Variants in ASIC2 observed in about 807,000 individuals in gnomAD.
ASIC2 encodes acid sensing ion channel subunit 2.
ASIC2 carries 25 observed loss-of-function variants against 57.3 expected under a neutral mutation model. That is an observed-to-expected ratio of 0.44 (90% CI 0.32 to 0.61). The LOEUF (loss-of-function observed/expected upper bound fraction) is 0.61, where lower values mean the gene tolerates loss of function less well. ASIC2 is among the 20% of genes least tolerant of loss of function. The probability of loss-of-function intolerance (pLI) is 0.06; values close to 1 mark genes in which losing one functional copy is unlikely to be tolerated. For missense variants in ASIC2, 641 were observed against 738.1 expected, an observed-to-expected ratio of 0.87 and a Z score of 1.52; for synonymous variants, 319 against 307.5, an observed-to-expected ratio of 1.04 and a Z score of -0.39.
At chr17:33,941,252 A>G (rs1429510079) in intron 1 of ASIC2, among the ~76,000 whole-genome samples, 1 of 152,180 alleles carries the variant, frequency 6.6e-6, no homozygotes, top group Non-Finnish European at 1.5e-5. Flanking sequence ...CTTGCAGCCC[A>G]CACAGACAGG....
chr17:33,978,347 C>G (rs1043139897), intron 1 of ASIC2, among the ~76,000 whole-genome samples: 1 of 152,176 alleles, frequency 6.6e-6, no homozygotes, highest in Non-Finnish European at 1.5e-5. Flanking sequence ...ACACTGCAGT[C>G]GAGTCAAGGC....
At chr17:33,275,430 G>T (rs954084138) in intron 1 of ASIC2, among the ~76,000 whole-genome samples, 4 of 152,170 alleles carry the variant, frequency 2.6e-5, no homozygotes, top group African/African-American at 9.7e-5. Flanking sequence ...GACTTCAGTG[G>T]AAAGTAATAA....
At chr17:33,582,134 C>T (rs370614675) in intron 1 of ASIC2, among the ~76,000 whole-genome samples, 4 of 152,108 alleles carry the variant, frequency 2.6e-5, no homozygotes, top group Non-Finnish European at 5.9e-5. Flanking sequence ...TTTAAGCCAC[C>T]GAGTTTGGCA....
chr17:33,497,771 A>AG (rs775268567), intron 1 of ASIC2, among the ~76,000 whole-genome samples: 2 of 152,228 alleles, frequency 1.3e-5, no homozygotes, highest in Non-Finnish European at 2.9e-5. Context: ...AAAAAAAAGG[A>AG]GGCTCAGAGA....
chr17:34,081,549 AGC>A (rs1452624027), intron 1 of ASIC2, among the ~76,000 whole-genome samples: 1 of 152,210 alleles, frequency 6.6e-6, no homozygotes, highest in Non-Finnish European at 1.5e-5. Flanking sequence ...GTCATTGGAT[AGC>A]GCTGAGAACA....
chr17:33,258,222 T>TTACACTGGGTGTA (rs1179521159), intron 1 of ASIC2, among the ~76,000 whole-genome samples: 3 of 152,152 alleles, frequency 2.0e-5, no homozygotes, highest in Non-Finnish European at 4.4e-5. Context: ...TCTTTAGGAG[T>TTACACTGGGTGTA]ATCTAGTTAC....
intron 1 of ASIC2, among the ~76,000 whole-genome samples, chr17:33,136,509 C>T (rs2092367744): frequency 6.6e-6 from 1 of 152,218 alleles, no homozygotes; most frequent in African/African-American, 2.4e-5. Flanking sequence ...TTTGTGTAAG[C>T]TGAACCCAGC....
At chr17:33,235,531 G>T (rs1908262765) in intron 1 of ASIC2, among the ~76,000 whole-genome samples, 1 of 152,208 alleles carries the variant, frequency 6.6e-6, no homozygotes, top group Non-Finnish European at 1.5e-5. Flanking sequence ...GTTATGGGAG[G>T]AGTGACATGC....
intron 1 of ASIC2, among the ~76,000 whole-genome samples, chr17:33,953,819 T>C (rs1178886171): frequency 6.6e-6 from 1 of 152,074 alleles, no homozygotes; most frequent in African/African-American, 2.4e-5. Flanking sequence ...TAGACCATGT[T>C]GGTTGGGGTA....
At chr17:33,065,445 G>T (rs2092039841) in intron 3 of ASIC2, among the ~76,000 whole-genome samples, 1 of 152,002 alleles carries the variant, frequency 6.6e-6, no homozygotes, top group Non-Finnish European at 1.5e-5. Flanking sequence ...AAATAGCTAG[G>T]ACTACAGGTG....
intron 1 of ASIC2, among the ~76,000 whole-genome samples, chr17:34,118,044 T>TG (rs1911479459): frequency 6.6e-6 from 1 of 152,128 alleles, no homozygotes; most frequent in Non-Finnish European, 1.5e-5. Flanking sequence ...GGTGTCAGGC[T>TG]GGGGGGTCTC....
intron 1 of ASIC2, among the ~76,000 whole-genome samples, chr17:33,610,054 G>GCGCGCGCGCACACA (rs375575593): frequency 2.1e-5 from 3 of 144,848 alleles, no homozygotes; most frequent in African/African-American, 7.8e-5. Flanking sequence ...GGACAGAGGC[G>GCGCGCGCGCACACA]CACACACACA....
intron 1 of ASIC2, among the ~76,000 whole-genome samples, chr17:33,175,612 A>C (rs1256213056): frequency 6.6e-6 from 1 of 152,130 alleles, no homozygotes; most frequent in Non-Finnish European, 1.5e-5. Context: ...ATTTACAGCG[A>C]TGAACCTCTC....
chr17:33,568,259 C>A (rs1054474438), intron 1 of ASIC2, among the ~76,000 whole-genome samples: 1 of 152,192 alleles, frequency 6.6e-6, no homozygotes, highest in Non-Finnish European at 1.5e-5. Context: ...TGGGTTATGT[C>A]AAATTGACCA....
intron 1 of ASIC2, among the ~76,000 whole-genome samples, chr17:34,137,701 G>A (rs949228655): frequency 6.6e-6 from 1 of 152,294 alleles, no homozygotes; most frequent in East Asian, 1.9e-4. Flanking sequence ...CACAGTTCCA[G>A]AGGCTGGGAA....
intron 1 of ASIC2, among the ~76,000 whole-genome samples, chr17:33,429,140 A>C (rs942741915): frequency 6.6e-6 from 1 of 152,164 alleles, no homozygotes; most frequent in Non-Finnish European, 1.5e-5. Flanking sequence ...GCTAGTACCA[A>C]CTTGCATCTG....
chr17:33,865,584 A>C (rs1017355366), intron 1 of ASIC2, among the ~76,000 whole-genome samples: 2 of 151,962 alleles, frequency 1.3e-5, no homozygotes, highest in South Asian at 4.2e-4. Context: ...CCTCTAATCT[A>C]TGGTGGATGC....
At chr17:33,405,067 C>G (rs1313668043) in intron 1 of ASIC2, among the ~76,000 whole-genome samples, 1 of 151,768 alleles carries the variant, frequency 6.6e-6, no homozygotes, top group African/African-American at 2.4e-5. Context: ...GGGGGACAGG[C>G]ATGTGCTTGT....
intron 1 of ASIC2, among the ~76,000 whole-genome samples, chr17:33,689,519 T>G (rs1243700344): frequency 6.6e-6 from 1 of 152,238 alleles, no homozygotes; most frequent in Non-Finnish European, 1.5e-5. Flanking sequence ...CCTTCAGTCA[T>G]TCAATCTCCA....
Sources: gnomAD v4.1 joint callset for allele counts (sites outside exome capture counted in the v4.1 genomes callset) on GRCh38, gnomAD v4.1.1 for gene constraint, MANE v1.5 for transcripts, NCBI Gene and HGNC (gene_info 2026-07-23, HGNC 2026-07-21) for gene names.